The following KIAA1217 variants were observed in gnomAD, a reference collection of about 807,000 sequenced individuals.
KIAA1217 encodes the protein KIAA1217.
A neutral mutation model predicts 163.9 loss-of-function variants in KIAA1217; 88 were observed. The observed-to-expected ratio is 0.54, with a 90% CI of 0.45 to 0.64. The LOEUF (loss-of-function observed/expected upper bound fraction) is 0.64, where lower values mean the gene tolerates loss of function less well. KIAA1217 is among the 30% of genes least tolerant of loss of function. The pLI is 0.00. For missense variants in KIAA1217, 2,372 were observed against 2,475.0 expected (o/e 0.96, Z 0.88); for synonymous variants, 903 against 923.1 (o/e 0.98, Z 0.39).
intron 1 of KIAA1217, among the ~76,000 whole-genome samples, chr10:23,805,732 G>C (rs1303250427): frequency 6.6e-6 from 1 of 151,896 alleles, no homozygotes; most frequent in African/African-American, 2.4e-5. Flanking sequence ...AGAAAAATAG[G>C]GCCAGGTGCG....
At chr10:24,201,874 GC>G (rs1170579326) in intron 2 of KIAA1217, among the ~76,000 whole-genome samples, 3 of 152,198 alleles carry the variant, frequency 2.0e-5, no homozygotes, top group Non-Finnish European at 4.4e-5. Flanking sequence ...GCTACAGTGA[GC>G]CCTTTGAGTC....
rs898296657 is a variant in KIAA1217 at position 24,160,009 on chromosome 10, TG to T, written c.-170-59616del. ...CTTTGTACCTTTGTCAAAAATCAGT[TG>T]TCTATGTAATATTAGTGTGGGTATG... On this transcript the variant is annotated intron_variant, in intron 2 of 18. Transcript: ENST00000376462. 4.9e-4 allele frequency among the ~76,000 whole-genome samples: 74 copies of T among 152,334 alleles called. 1 individual carries two copies. The highest frequency in any genetic ancestry group is 1.8e-3 in the African/African-American group (73 of 41,578).
intron 11 of KIAA1217, among the ~76,000 whole-genome samples, chr10:24,520,675 T>A (rs202133244): frequency 2.6e-5 from 2 of 77,502 alleles, no homozygotes; most frequent in African/African-American, 1.1e-4. Context: ...TATATATATA[T>A]ACACACACAC....
intron 3 of KIAA1217, among the ~76,000 whole-genome samples, chr10:24,418,219 C>G (rs2058429329): frequency 6.6e-6 from 1 of 152,096 alleles, no homozygotes; most frequent in Non-Finnish European, 1.5e-5. Context: ...CTTGTCCTCC[C>G]AAAGTGCTGG....
At chr10:23,735,104 A>G in intron 1 of KIAA1217, among the ~76,000 whole-genome samples, 1 of 152,210 alleles carries the variant, frequency 6.6e-6, no homozygotes, top group Non-Finnish European at 1.5e-5. Flanking sequence ...ATATTGCTAT[A>G]GGTGTCTGTG....
chr10:23,810,971 T>TTATATACTATATATATTATATAA lies in KIAA1217; in HGVS notation c.-321+115748_-321+115749insTATATTATATAATATATACTATA, dbSNP rs1554800156. On this transcript the variant is annotated intron_variant, in intron 1 of 18. Coordinates refer to the KIAA1217 transcript ENST00000376462. ...TATTATATAATATATATAGTATATA[T>TTATATACTATATATATTATATAA]TATATACTATAGTATATATACTATA... Among the ~76,000 whole-genome samples the TTATATACTATATATATTATATAA allele has an allele frequency of 3.3e-3, 395 of 118,704 alleles. 3 individuals carry two copies. The highest frequency in any genetic ancestry group is 4.2e-3 in the Non-Finnish European group (265 of 62,758). 77.9% of individuals were successfully genotyped at this position (118,704 alleles called of 152,430 possible).
chr10:23,697,675 G>A (rs1836132342), intron 1 of KIAA1217, among the ~76,000 whole-genome samples: 1 of 150,774 alleles, frequency 6.6e-6, no homozygotes, highest in African/African-American at 2.5e-5. Context: ...TTTAAGACCA[G>A]CTTAGGCAAC....
chr10:23,878,228 A>T (rs908684597), intron 1 of KIAA1217, among the ~76,000 whole-genome samples: 1 of 151,908 alleles, frequency 6.6e-6, no homozygotes, highest in Non-Finnish European at 1.5e-5. Flanking sequence ...CACATTCTTT[A>T]TGGAGGCATA....
chr10:24,147,832 C>CAAAAAAAAAAA (rs1176106711), intron 2 of KIAA1217, among the ~76,000 whole-genome samples: 153 of 20,740 alleles, frequency 7.4e-3, no homozygotes, highest in Admixed American at 0.011. Flanking sequence ...TACTCTGTCT[C>CAAAAAAAAAAA]AAAAAAAAAA....
intron 2 of KIAA1217, among the ~76,000 whole-genome samples, chr10:24,047,229 G>A (rs942909207): frequency 1.3e-5 from 2 of 152,010 alleles, no homozygotes; most frequent in Admixed American, 6.6e-5. Context: ...ACACACACAT[G>A]CATGCACACA....
intron 1 of KIAA1217, among the ~76,000 whole-genome samples, chr10:23,878,314 A>G (rs1434331203): frequency 2.0e-5 from 3 of 151,934 alleles, no homozygotes; most frequent in African/African-American, 7.2e-5. Flanking sequence ...TGGCATTCTG[A>G]CAGTAGTTTG....
At chr10:24,468,225 G>A (rs1564735074) in intron 5 of KIAA1217, among the ~76,000 whole-genome samples, 2 of 152,122 alleles carry the variant, frequency 1.3e-5, no homozygotes, top group South Asian at 2.1e-4. Context: ...TCCTAAGAGC[G>A]AGTTGCCTTA....
chr10:24,074,700 CTTCTT>C (rs1356168597), intron 2 of KIAA1217, among the ~76,000 whole-genome samples: 1 of 114,530 alleles, frequency 8.7e-6, no homozygotes, highest in African/African-American at 3.2e-5. Context: ...TCTTCTTCTT[CTTCTT>C]TTTTTTTTTT....
chr10:24,019,728 C>A lies in KIAA1217; in HGVS notation c.-171+12354C>A, dbSNP rs1360279053. 2.0e-5 allele frequency among the ~76,000 whole-genome samples: 3 copies of A among 151,570 alleles called. No homozygotes were observed. The South Asian group carries it at 6.3e-4, about 32-fold the overall frequency. On this transcript the variant is annotated intron_variant, in intron 2 of 18. Transcript: ENST00000376462. ...CAATGGCAGCACACTACATTTGGCC[C>A]TTGGATGATAGTTTGTTAAATCCTA... is the stretch of plus-strand genomic sequence containing the variant.
intron 2 of KIAA1217, among the ~76,000 whole-genome samples, chr10:24,235,789 ATCT>A (rs1361255701): frequency 6.6e-6 from 1 of 152,112 alleles, no homozygotes; most frequent in Admixed American, 6.6e-5. Context: ...TTAACTCCGT[ATCT>A]CGGAGGATCT....
rs867781479 is a variant in KIAA1217, at chr10:23,758,691, T to G, written c.-321+63457T>G. Among the ~76,000 whole-genome samples the G allele has an allele frequency of 9.9e-3, 1,415 of 143,528 alleles. 25 individuals carry two copies. Among genetic ancestry groups the G allele is most frequent in the African/African-American group, 0.036 (1,356 of 38,128 alleles). 94.2% of individuals were successfully genotyped at this position (143,528 alleles called of 152,430 possible). On this transcript the variant is annotated intron_variant, in intron 1 of 18. Coordinates refer to the KIAA1217 transcript ENST00000376462. Reference sequence around the variant, plus strand: ...CCCTTTTTCTTTCTTTCTTTCTTTTTTTTTTTTTTTTTGTTTCAGAATTTT... The same window carrying G: ...CCCTTTTTCTTTCTTTCTTTCTTTTGTTTTTTTTTTTTGTTTCAGAATTTT...
At chr10:24,052,898 A>G (rs990741703) in intron 2 of KIAA1217, among the ~76,000 whole-genome samples, 2 of 152,140 alleles carry the variant, frequency 1.3e-5, no homozygotes, top group African/African-American at 4.8e-5. Flanking sequence ...CATCTCTTCT[A>G]TAATCACATA....
intron 1 of KIAA1217, among the ~76,000 whole-genome samples, chr10:23,710,390 A>T (rs955292397): frequency 5.3e-5 from 8 of 152,226 alleles, no homozygotes; most frequent in Non-Finnish European, 1.2e-4. Flanking sequence ...GTCACCAAGG[A>T]CACTTCTGCA....
rs74913226 is a variant in KIAA1217 at position 24,450,150 on chromosome 10, C to T, written c.846+11671C>T. On this transcript the variant is annotated intron_variant, in intron 5 of 20. Coordinates refer to ENST00000376454, the MANE Select transcript of KIAA1217 (RefSeq NM_019590.5). ...GAAGTTGTTGACATACATTCAGTGT[C>T]TGAGGCAAAGTCGATAATTTGAAGG... 4.6e-3 allele frequency among the ~76,000 whole-genome samples: 704 copies of T among 152,260 alleles called. 5 individuals carry two copies. The highest frequency in any genetic ancestry group is 0.016 in the African/African-American group (650 of 41,540).
Sources: allele counts gnomAD v4.1 joint callset (sites outside exome capture counted in the v4.1 genomes callset), GRCh38; gene constraint gnomAD v4.1.1; transcripts MANE v1.5; gene names NCBI Gene and HGNC (gene_info 2026-07-23, HGNC 2026-07-21).